Variants in LRMDA observed in about 807,000 individuals in gnomAD.
LRMDA encodes leucine-rich melanocyte differentiation-associated protein.
LRMDA carries 18 observed loss-of-function variants against 29.8 expected under a neutral mutation model. The observed-to-expected ratio is 0.60, with a 90% confidence interval of 0.42 to 0.90. LRMDA has a LOEUF of 0.90. Ranked by LOEUF, LRMDA falls within the 40% of genes least tolerant of loss-of-function variation. LRMDA has a pLI of 0.00. For synonymous variants in LRMDA, 125 were observed against 109.4 expected, an observed-to-expected ratio of 1.14 and a Z score of -0.89; for missense variants, 273 against 273.9, an observed-to-expected ratio of 1.00 and a Z score of 0.02.
chr10:76,036,191 C>A (rs1848242306), intron 3 of LRMDA, 57 bp downstream of exon 3: 1 of 1,505,412 alleles, frequency 6.6e-7, no homozygotes. Context: ...AGTCGTCCCC[C>A]AACCCCACCC....
intron 2 of LRMDA, among the ~76,000 whole-genome samples, chr10:75,813,582 T>C (rs1457781453): frequency 6.6e-6 from 1 of 152,214 alleles, no homozygotes; most frequent in African/African-American, 2.4e-5. Context: ...GAGAGAGTGA[T>C]GCTCTTTGGA....
chr10:75,590,526 A>G (rs1479588298), intron 2 of LRMDA, among the ~76,000 whole-genome samples: 1 of 152,060 alleles, frequency 6.6e-6, no homozygotes. Flanking sequence ...AGATGAGGAG[A>G]AATGAACAAA....
intron 5 of LRMDA, among the ~76,000 whole-genome samples, chr10:76,112,881 A>T (rs1479576934): frequency 6.6e-6 from 1 of 152,120 alleles, no homozygotes; most frequent in Non-Finnish European, 1.5e-5. Flanking sequence ...CAGCAGAGGT[A>T]TCTGTGTTTG....
intron 2 of LRMDA, among the ~76,000 whole-genome samples, chr10:75,583,541 G>A (rs1025026233): frequency 3.9e-5 from 6 of 152,082 alleles, no homozygotes; most frequent in East Asian, 1.9e-4. Flanking sequence ...ATTAAAAACC[G>A]TCCCCATGAT....
intron 2 of LRMDA, among the ~76,000 whole-genome samples, chr10:75,766,274 T>A (rs1274379819): frequency 2.0e-5 from 3 of 152,220 alleles, no homozygotes; most frequent in Non-Finnish European, 4.4e-5. Context: ...TTGAACTGAC[T>A]TAACTCTCAC....
At chr10:75,482,747 A>G (rs976349951) in intron 2 of LRMDA, among the ~76,000 whole-genome samples, 2 of 152,226 alleles carry the variant, frequency 1.3e-5, no homozygotes, top group African/African-American at 4.8e-5. Flanking sequence ...TTTAAGTTCA[A>G]TTATAATACT....
At chr10:76,278,284 T>C (rs954809147) in intron 5 of LRMDA, among the ~76,000 whole-genome samples, 1 of 152,152 alleles carries the variant, frequency 6.6e-6, no homozygotes, top group Non-Finnish European at 1.5e-5. Flanking sequence ...ATCAGGAAAA[T>C]GTATCCCTGA....
intron 2 of LRMDA, among the ~76,000 whole-genome samples, chr10:75,652,970 G>C (rs1287122426): frequency 6.6e-6 from 1 of 152,162 alleles, no homozygotes; most frequent in East Asian, 1.9e-4. Flanking sequence ...CAGAGATGTT[G>C]ATTCTGAACA....
At chr10:75,838,558 T>A (rs753584526) in intron 2 of LRMDA, among the ~76,000 whole-genome samples, 3 of 152,224 alleles carry the variant, frequency 2.0e-5, no homozygotes, top group Non-Finnish European at 4.4e-5. Flanking sequence ...TTCAGGTTTT[T>A]TTCAGGGATG....
At chr10:75,760,184 T>C (rs150868479) in intron 2 of LRMDA, among the ~76,000 whole-genome samples, 2 of 152,350 alleles carry the variant, frequency 1.3e-5, no homozygotes, top group African/African-American at 4.8e-5. Flanking sequence ...TCACCACAGG[T>C]GAGAATTTAG....
chr10:75,835,829 A>G (rs1257264753), intron 2 of LRMDA, among the ~76,000 whole-genome samples: 1 of 152,208 alleles, frequency 6.6e-6, no homozygotes, highest in Non-Finnish European at 1.5e-5. Flanking sequence ...GAAATAAGAA[A>G]TGGTGAGTTT....
In LRMDA at chr10:75,697,571, C is replaced by G. The variant is rs576250961; in HGVS notation, c.131+259077C>G. ...TTTTTCAGCAGGGCATGTGTTATAA[C>G]CCAGGATTTTGGCATTTGATTCTTA... On this transcript the variant is annotated intron_variant, in intron 2 of 6. Transcript: ENST00000611255. 4.0e-5 allele frequency among the ~76,000 whole-genome samples: 6 copies of G among 150,594 alleles called. No individual in the cohort carries two copies. In the East Asian group the frequency reaches 1.2e-3, roughly 29 times the overall value.
intron 5 of LRMDA, among the ~76,000 whole-genome samples, chr10:76,112,915 T>C (rs1396941090): frequency 6.6e-6 from 1 of 152,208 alleles, no homozygotes; most frequent in Middle Eastern, 3.2e-3. Flanking sequence ...TCCCTCAGAA[T>C]GTTGCCACTT....
At chr10:75,679,907 T>C (rs1462169671) in intron 2 of LRMDA, among the ~76,000 whole-genome samples, 1 of 147,358 alleles carries the variant, frequency 6.8e-6, no homozygotes, top group Non-Finnish European at 1.5e-5. Context: ...TCACAGGAAA[T>C]AAAAAAAAAA....
chr10:75,437,577 A>G (rs1844275597), intron 1 of LRMDA, among the ~76,000 whole-genome samples: 1 of 152,204 alleles, frequency 6.6e-6, no homozygotes, highest in Non-Finnish European at 1.5e-5. Context: ...ATGGGTTCCA[A>G]AAACTGGGTG....
chr10:75,681,141 T>C (rs1842017771), intron 2 of LRMDA, among the ~76,000 whole-genome samples: 1 of 152,216 alleles, frequency 6.6e-6, no homozygotes, highest in African/African-American at 2.4e-5. Flanking sequence ...CATTATTGAT[T>C]TGAGTCATAC....
In LRMDA at chr10:76,397,372, G is replaced by A. The variant is rs535937202; in HGVS notation, c.601+72887G>A. Among the ~76,000 whole-genome samples, 72 of 152,284 alleles carry A rather than the reference G, an allele frequency of 4.7e-4. No homozygotes were observed. The South Asian group carries it at 6.0e-3, about 13-fold the overall frequency. ...CTGAGCTTCAGGCCAGCCAGGGAAG[G>A]GGGCAGGGGCCACTAGCATTGGGAA... On this transcript the variant is annotated intron_variant, in intron 6 of 6. Coordinates refer to ENST00000611255, the MANE Select transcript of LRMDA (RefSeq NM_001305581.2).
intron 2 of LRMDA, among the ~76,000 whole-genome samples, chr10:75,468,409 A>G (rs866793889): frequency 2.6e-5 from 4 of 152,112 alleles, no homozygotes; most frequent in African/African-American, 9.7e-5. Flanking sequence ...GGGACAGGGC[A>G]GCTATAGTAT....
At chr10:75,529,669 TA>T (rs1227437548) in intron 2 of LRMDA, among the ~76,000 whole-genome samples, 1 of 152,138 alleles carries the variant, frequency 6.6e-6, no homozygotes, top group Non-Finnish European at 1.5e-5. Context: ...AGAGGTGACT[TA>T]AAAAATTGGC....
Sources: allele counts gnomAD v4.1 joint callset (sites outside exome capture counted in the v4.1 genomes callset), GRCh38; gene constraint gnomAD v4.1.1; transcripts MANE v1.5; gene names NCBI Gene and HGNC (gene_info 2026-07-23, HGNC 2026-07-21).